DMD: variants seen among roughly 807,000 people sequenced by gnomAD.
The protein encoded by DMD is dystrophin, also known as mutant dystrophin.
Under a neutral mutation model 330.1 loss-of-function variants are expected in DMD, and 63 were observed. The ratio of observed to expected loss-of-function variants is 0.19; its 90% CI spans 0.16 to 0.24. The LOEUF (loss-of-function observed/expected upper bound fraction) is 0.24, where lower values mean the gene tolerates loss of function less well. Ranked by LOEUF, DMD falls within the 10% of genes least tolerant of loss-of-function variation. DMD has a pLI of 1.00. For missense variants in DMD, 3,344 were observed against 2,684.1 expected (o/e 1.25, Z -5.43); for synonymous variants, 1,223 against 959.8 (o/e 1.27, Z -5.07).
Position 32,946,210 on chromosome X carries a change from G to A in DMD, c.93+73929C>T, listed in dbSNP as rs72626064. On this transcript the variant is annotated intron_variant, in intron 2 of 78. Coordinates refer to ENST00000357033, the MANE Select transcript of DMD (RefSeq NM_004006.3). Reference sequence around the variant, plus strand: ...TTAATCTCAAATATAAAAAAATTAAGGCTATTAATTTTCTTTGATTACAGC... The same window carrying A: ...TTAATCTCAAATATAAAAAAATTAAAGCTATTAATTTTCTTTGATTACAGC... Among the ~76,000 whole-genome samples the A allele has an allele frequency of 0.01, 1,149 of 110,894 alleles. 48 individuals are homozygous for A. In the East Asian group the frequency reaches 0.17, roughly 16 times the overall value.
At chrX:33,189,128 TAG>T (rs2050402450) in intron 1 of DMD, among the ~76,000 whole-genome samples, 2 of 111,752 alleles carry the variant, frequency 1.8e-5, no homozygotes, top group Admixed American at 1.9e-4. Flanking sequence ...TATATATATA[TAG>T]ATATATATCC....
intron 1 of DMD, among the ~76,000 whole-genome samples, chrX:33,248,069 C>A (rs957639450): frequency 9.0e-6 from 1 of 110,713 alleles, no homozygotes; most frequent in Non-Finnish European, 1.9e-5. Context: ...TGAGATGGAG[C>A]CTCGCTCTGT....
chrX:31,794,446 T>C (rs1926590998), intron 50 of DMD, among the ~76,000 whole-genome samples: 1 of 111,794 alleles, frequency 8.9e-6, no homozygotes, highest in Non-Finnish European at 1.9e-5. Context: ...TTTAATAGTT[T>C]AGGCACTTTT....
At chrX:31,673,875 C>A (rs1252073737) in intron 53 of DMD, among the ~76,000 whole-genome samples, 2 of 111,542 alleles carry the variant, frequency 1.8e-5, no homozygotes, top group East Asian at 5.6e-4. Context: ...AGAGAGCACT[C>A]TGTTTGTATG....
intron 2 of DMD, among the ~76,000 whole-genome samples, chrX:32,961,375 A>AT (rs759095767): frequency 2.7e-5 from 3 of 109,637 alleles, no homozygotes; most frequent in Non-Finnish European, 1.9e-5. Context: ...TCTCACTGCT[A>AT]TTTTTTTTTA....
At position 32,026,657 on chromosome X, in the gene DMD, C is replaced by T. The variant is rs186861323; in HGVS notation, c.6439-58143G>A. ...AATATGTTTCTTTCTCCCCTTTCAA[C>T]GATTAAAAAATGTATCTATTCCTCT... On this transcript the variant is annotated intron_variant, in intron 44 of 78. Transcript: ENST00000357033. Among the ~76,000 whole-genome samples the T allele has an allele frequency of 2.9e-3, 329 of 112,237 alleles. 2 individuals carry two copies. The highest frequency in any genetic ancestry group is 0.011 in the South Asian group (31 of 2,709).
At chrX:33,139,378 C>T (rs2047674835) in intron 1 of DMD, among the ~76,000 whole-genome samples, 1 of 111,222 alleles carries the variant, frequency 9.0e-6, no homozygotes, top group African/African-American at 3.3e-5. Flanking sequence ...CGGAATTTCA[C>T]TCTTGTCACC....
chrX:32,723,761 T>G (rs758484193), intron 7 of DMD, among the ~76,000 whole-genome samples: 2 of 110,812 alleles, frequency 1.8e-5, no homozygotes, highest in South Asian at 7.5e-4. Flanking sequence ...TCGTAACATC[T>G]TGTACCCCTT....
chrX:31,908,937 T>C (rs1260475020), intron 47 of DMD, among the ~76,000 whole-genome samples: 1 of 111,564 alleles, frequency 9.0e-6, no homozygotes, highest in African/African-American at 3.3e-5. Context: ...ATAAAAATGG[T>C]AAGTGCTAAA....
At chrX:33,294,356 T>A (rs2053555454) in intron 1 of DMD, among the ~76,000 whole-genome samples, 1 of 111,369 alleles carries the variant, frequency 9.0e-6, no homozygotes, top group Non-Finnish European at 1.9e-5. Flanking sequence ...CAGAAGTGTT[T>A]CTCTCCAAAA....
intron 44 of DMD, among the ~76,000 whole-genome samples, chrX:32,186,870 A>G (rs2096950104): frequency 9.0e-6 from 1 of 111,193 alleles, no homozygotes; most frequent in Non-Finnish European, 1.9e-5. Flanking sequence ...GATTCATTGT[A>G]TGAAAGCAAA....
chrX:32,846,588 G>C (rs1270629042), intron 3 of DMD, among the ~76,000 whole-genome samples: 2 of 109,745 alleles, frequency 1.8e-5, no homozygotes, highest in African/African-American at 6.6e-5. Context: ...AAAACATTAA[G>C]GCTAACCTTA....
At chrX:32,388,601 C>T (rs1415592811) in intron 32 of DMD, among the ~76,000 whole-genome samples, 1 of 110,105 alleles carries the variant, frequency 9.1e-6, no homozygotes, top group Non-Finnish European at 1.9e-5. Flanking sequence ...AATATTTCCC[C>T]ATTCATGATA....
At chrX:31,697,580 A>C (rs1428235057) in intron 52 of DMD, among the ~76,000 whole-genome samples, 1 of 112,163 alleles carries the variant, frequency 8.9e-6, no homozygotes, top group African/African-American at 3.2e-5. Context: ...AGAAAGAAAC[A>C]GTTCAGTTGA....
intron 55 of DMD, among the ~76,000 whole-genome samples, chrX:31,578,550 CA>C (rs1336777722): frequency 1.8e-5 from 2 of 111,909 alleles, no homozygotes; most frequent in Non-Finnish European, 3.8e-5. Flanking sequence ...TGGGATTTTT[CA>C]AACCATTTGG....
intron 50 of DMD, among the ~76,000 whole-genome samples, chrX:31,809,020 A>G (rs1019606059): frequency 3.7e-5 from 4 of 109,574 alleles, no homozygotes; most frequent in Non-Finnish European, 7.6e-5. Flanking sequence ...TTGAGAATAA[A>G]GAAGAGTCCT....
At chrX:32,188,095 A>C (rs2096955827) in intron 44 of DMD, among the ~76,000 whole-genome samples, 2 of 110,934 alleles carry the variant, frequency 1.8e-5, no homozygotes, top group African/African-American at 6.5e-5. Context: ...AGATGTGTGT[A>C]GTTATTACTA....
chrX:32,483,817 G>A (rs753994886), intron 21 of DMD, among the ~76,000 whole-genome samples: 2 of 7,146 alleles, frequency 2.8e-4, no homozygotes, highest in Admixed American at 2.5e-3. Context: ...CGACTCTGAA[G>A]TACAAAAAAA....
At chrX:32,943,827 C>T (rs1399678611) in intron 2 of DMD, among the ~76,000 whole-genome samples, 1 of 112,146 alleles carries the variant, frequency 8.9e-6, no homozygotes, top group Non-Finnish European at 1.9e-5. Context: ...TATTTGGTTA[C>T]AAATGAGATC....
Sources: gnomAD v4.1 joint callset for allele counts (sites outside exome capture counted in the v4.1 genomes callset) on GRCh38, gnomAD v4.1.1 for gene constraint, MANE v1.5 for transcripts, NCBI Gene and HGNC (gene_info 2026-07-23, HGNC 2026-07-21) for gene names.